The following NEK11 variants were observed in gnomAD, a reference collection of about 807,000 sequenced individuals.
NEK11 encodes the protein NIMA related kinase 11.
A neutral mutation model predicts 80.7 loss-of-function variants in NEK11; 72 were observed. That is an observed-to-expected ratio of 0.89 (90% CI 0.74 to 1.08). The LOEUF is 1.08. NEK11 is among the 50% of genes least tolerant of loss of function. The pLI is 0.00. For missense variants in NEK11, 764 were observed against 763.6 expected, an observed-to-expected ratio of 1.00 and a Z score of -0.01; for synonymous variants, 251 against 260.7, an observed-to-expected ratio of 0.96 and a Z score of 0.36.
At chr3:131,043,269 A>T (rs755679548) in intron 3 of NEK11, among the ~76,000 whole-genome samples, 2 of 152,238 alleles carry the variant, frequency 1.3e-5, no homozygotes, top group African/African-American at 4.8e-5. Flanking sequence ...AGTTTGACAA[A>T]TTGACAGAAG....
At chr3:131,334,846 C>A (rs550386093) in intron 17 of NEK11, among the ~76,000 whole-genome samples, 1 of 152,096 alleles carries the variant, frequency 6.6e-6, no homozygotes, top group African/African-American at 2.4e-5. Flanking sequence ...AACACCTCTA[C>A]GCAAATAAAC....
intron 14 of NEK11, among the ~76,000 whole-genome samples, chr3:131,199,880 G>A (rs1315043330): frequency 1.3e-5 from 2 of 152,060 alleles, no homozygotes; most frequent in Non-Finnish European, 2.9e-5. Flanking sequence ...AGAAGAAAGG[G>A]CAAAAGACCG....
chr3:131,036,185 A>G (rs556973515), intron 3 of NEK11, among the ~76,000 whole-genome samples: 31 of 152,368 alleles, frequency 2.0e-4, no homozygotes, highest in Non-Finnish European at 3.7e-4. Context: ...CTTTCTGTGC[A>G]TTTGGAATTT....
At chr3:131,118,152 A>G (rs752868602) in intron 5 of NEK11, among the ~76,000 whole-genome samples, 2 of 152,200 alleles carry the variant, frequency 1.3e-5, no homozygotes, top group African/African-American at 2.4e-5. Flanking sequence ...CATTCCATCA[A>G]TACTTAGTTT....
chr3:131,092,351 T>C lies in NEK11; in HGVS notation c.336+11763T>C, dbSNP rs138812714. On this transcript the variant is annotated intron_variant, in intron 4 of 17. Transcript: ENST00000383366. ...AGAATATAGAACACCAGGGAGACTA[T>C]TGTGATGGTTATCAGGAGGATAATA... 3.4e-3 allele frequency among the ~76,000 whole-genome samples: 516 copies of C among 152,334 alleles called. 5 individuals carry two copies. The highest frequency in any genetic ancestry group is 0.02 in the East Asian group (106 of 5,192).
intron 14 of NEK11, among the ~76,000 whole-genome samples, chr3:131,179,789 C>T (rs4117157): frequency 0.1 from 15,336 of 151,982 alleles, 1,036 homozygotes; most frequent in East Asian, 0.21. Context: ...TTAAAATAGA[C>T]GGCATATCAT....
At chr3:131,063,209 G>T (rs554337555) in intron 3 of NEK11, among the ~76,000 whole-genome samples, 5 of 152,154 alleles carry the variant, frequency 3.3e-5, no homozygotes, top group African/African-American at 1.2e-4. Context: ...ACTTTTTATA[G>T]AGAGGGGGTC....
chr3:131,109,733 C>G, intron 4 of NEK11, 70 bp from the exon 5 acceptor site: 1 of 1,453,184 alleles, frequency 6.9e-7, no homozygotes, highest in Non-Finnish European at 9.2e-7. Context: ...TATGTATTAA[C>G]TGTTGTTAAG....
rs984039776 is a variant in NEK11, at chr3:131,334,815, T to C, written c.1719-14742T>C. Reference sequence around the variant, plus strand: ...ACCACTGATCCCACAGAAATACAAATTACCATCAGAGAATACTACAAACAC... The same window carrying C: ...ACCACTGATCCCACAGAAATACAAACTACCATCAGAGAATACTACAAACAC... On this transcript the variant is annotated intron_variant, in intron 17 of 17. Transcript: ENST00000383366. 6.6e-5 allele frequency among the ~76,000 whole-genome samples: 10 copies of C among 152,016 alleles called. No homozygotes were observed. The South Asian group carries it at 1.2e-3, about 19-fold the overall frequency.
chr3:131,155,237 G>C (rs1230470905), intron 10 of NEK11, 116 bp downstream of exon 10: 3 of 671,214 alleles, frequency 4.5e-6, no homozygotes, highest in South Asian at 4.2e-5. Context: ...ATTCACTTAA[G>C]TCTTGCCAAG....
At chr3:131,225,847 G>A (rs1363754224) in intron 14 of NEK11, among the ~76,000 whole-genome samples, 1 of 152,056 alleles carries the variant, frequency 6.6e-6, no homozygotes. Context: ...AATAGGTCTT[G>A]GTGTATGAAA....
At chr3:131,231,138 C>G (rs2095321319) in intron 15 of NEK11, among the ~76,000 whole-genome samples, 1 of 151,970 alleles carries the variant, frequency 6.6e-6, no homozygotes, top group Admixed American at 6.6e-5. Context: ...TACAGCCTCT[C>G]ACATACATGG....
At chr3:131,233,261 T>G (rs989818355) in intron 15 of NEK11, among the ~76,000 whole-genome samples, 1 of 152,160 alleles carries the variant, frequency 6.6e-6, no homozygotes, top group East Asian at 1.9e-4. Flanking sequence ...GGCCTGGCCC[T>G]AACTTCCCCA....
At chr3:131,212,091 T>A (rs2094642168) in intron 14 of NEK11, among the ~76,000 whole-genome samples, 3 of 152,196 alleles carry the variant, frequency 2.0e-5, no homozygotes, top group African/African-American at 7.2e-5. Context: ...TTTCTCCCCA[T>A]CTTTGTGGTT....
intron 17 of NEK11, among the ~76,000 whole-genome samples, chr3:131,303,197 C>T (rs2096681269): frequency 6.6e-6 from 1 of 152,036 alleles, no homozygotes; most frequent in Admixed American, 6.6e-5. Flanking sequence ...TTTCTCATTC[C>T]CTTTACTTTG....
At chr3:131,071,555 C>T (rs2073301008) in intron 3 of NEK11, among the ~76,000 whole-genome samples, 1 of 151,934 alleles carries the variant, frequency 6.6e-6, no homozygotes, top group Non-Finnish European at 1.5e-5. Context: ...AGAAGGATAA[C>T]ACTGGTGGAA....
At chr3:131,096,317 G>T (rs1368881919) in intron 4 of NEK11, among the ~76,000 whole-genome samples, 1 of 151,956 alleles carries the variant, frequency 6.6e-6, no homozygotes, top group Non-Finnish European at 1.5e-5. Flanking sequence ...TAGGATTATG[G>T]CCTCCAGCTT....
At chr3:131,191,429 C>G (rs982691691) in intron 14 of NEK11, among the ~76,000 whole-genome samples, 4 of 152,140 alleles carry the variant, frequency 2.6e-5, no homozygotes, top group Non-Finnish European at 2.9e-5. Context: ...TGGACCAAGC[C>G]CTTCTGATGC....
intron 14 of NEK11, among the ~76,000 whole-genome samples, chr3:131,201,437 G>T (rs2094222361): frequency 6.6e-6 from 1 of 152,038 alleles, no homozygotes. Context: ...GCACTTCTTT[G>T]GTATTGTTTG....
Sources: gnomAD v4.1 joint callset for allele counts (sites outside exome capture counted in the v4.1 genomes callset) on GRCh38, gnomAD v4.1.1 for gene constraint, MANE v1.5 for transcripts, NCBI Gene and HGNC (gene_info 2026-07-23, HGNC 2026-07-21) for gene names.